Variants in CACNA2D1 observed in about 807,000 individuals in gnomAD.
CACNA2D1 encodes the protein voltage-dependent calcium channel subunit alpha-2/delta-1.
In CACNA2D1, 53 loss-of-function variants were observed where a neutral mutation model predicts 171.5. That is an observed-to-expected ratio of 0.31 (90% CI 0.25 to 0.39). The LOEUF is 0.39. Ranked by LOEUF, CACNA2D1 falls within the 10% of genes least tolerant of loss-of-function variation. The probability of loss-of-function intolerance (pLI) is 1.00; values close to 1 mark genes in which losing one functional copy is unlikely to be tolerated. For missense variants in CACNA2D1, 903 were observed against 1,299.8 expected (o/e 0.69, Z 4.69); for synonymous variants, 442 against 443.1 (o/e 1.00, Z 0.03).
chr7:82,308,788 G>T (rs1217323823), intron 3 of CACNA2D1, among the ~76,000 whole-genome samples: 1 of 152,068 alleles, frequency 6.6e-6, no homozygotes, highest in African/African-American at 2.4e-5. Flanking sequence ...TCTTTGTCTT[G>T]GCAAATAATG....
intron 15 of CACNA2D1, among the ~76,000 whole-genome samples, chr7:82,008,073 C>A (rs191897070): frequency 1.7e-3 from 259 of 152,144 alleles, no homozygotes; most frequent in African/African-American, 6.0e-3. Flanking sequence ...TGTGTCCTCC[C>A]CCTTTTTCAT....
intron 1 of CACNA2D1, among the ~76,000 whole-genome samples, chr7:82,350,748 T>C (rs1819768341): frequency 6.6e-6 from 1 of 152,218 alleles, no homozygotes; most frequent in Non-Finnish European, 1.5e-5. Context: ...GATCCATTTA[T>C]ATTTGGAATT....
intron 4 of CACNA2D1, among the ~76,000 whole-genome samples, chr7:82,165,540 T>C (rs966511878): frequency 2.0e-5 from 3 of 151,982 alleles, no homozygotes; most frequent in Non-Finnish European, 2.9e-5. Flanking sequence ...TTAAAGCCCA[T>C]GGTTAATATT....
intron 1 of CACNA2D1, chr7:82,410,484 G>A (rs546411136): frequency 4.0e-5 from 39 of 984,212 alleles, no homozygotes; most frequent in Non-Finnish European, 4.5e-5. Context: ...ATGTTAACAG[G>A]CAGTAGAAAA....
At chr7:82,348,100 T>A (rs2129445699) in intron 2 of CACNA2D1, among the ~76,000 whole-genome samples, 1 of 152,308 alleles carries the variant, frequency 6.6e-6, no homozygotes, top group South Asian at 2.1e-4. Context: ...CATCTGTCGA[T>A]AAAGACAGTC....
intron 12 of CACNA2D1, among the ~76,000 whole-genome samples, chr7:82,015,169 A>C (rs1414472287): frequency 6.6e-6 from 1 of 152,230 alleles, no homozygotes; most frequent in Non-Finnish European, 1.5e-5. Flanking sequence ...CACTGCAAAA[A>C]AAGCTTATTT....
chr7:82,357,950 T>C (rs1820650443), intron 1 of CACNA2D1, among the ~76,000 whole-genome samples: 1 of 152,066 alleles, frequency 6.6e-6, no homozygotes, highest in Admixed American at 6.6e-5. Context: ...CGGAGCCCTA[T>C]CCTAAGGCAG....
chr7:82,103,445 T>A (rs1812928659), intron 6 of CACNA2D1, among the ~76,000 whole-genome samples: 1 of 152,164 alleles, frequency 6.6e-6, no homozygotes, highest in Non-Finnish European at 1.5e-5. Context: ...GAGAAAGGAA[T>A]ATTATAACAC....
chr7:82,281,749 G>A (rs1286134686), intron 3 of CACNA2D1, among the ~76,000 whole-genome samples: 1 of 152,012 alleles, frequency 6.6e-6, no homozygotes, highest in East Asian at 1.9e-4. Context: ...AATATCAAAT[G>A]TACGTGTCAT....
chr7:82,284,321 G>A (rs188878917), intron 3 of CACNA2D1, among the ~76,000 whole-genome samples: 277 of 152,252 alleles, frequency 1.8e-3, no homozygotes, highest in African/African-American at 6.4e-3. Flanking sequence ...CTCCAAGGGC[G>A]AGACCATGCA....
rs184162472 is a variant in CACNA2D1 at position 82,157,675 on chromosome 7, A to G, written c.354+12875T>C. 1.2e-3 allele frequency among the ~76,000 whole-genome samples: 182 copies of G among 152,128 alleles called. 1 individual carries two copies. Among genetic ancestry groups the G allele is most frequent in the African/African-American group, 4.2e-3 (173 of 41,542 alleles). ...TTACGTTATCTTGAATATATGATCTAGTCATTTTCAGCATAGGACTTTGAA... is the reference window on the plus strand; with the variant it reads ...TTACGTTATCTTGAATATATGATCTGGTCATTTTCAGCATAGGACTTTGAA... On this transcript the variant is annotated intron_variant, in intron 4 of 38. Coordinates refer to ENST00000356860, the MANE Select transcript of CACNA2D1 (RefSeq NM_000722.4).
intron 3 of CACNA2D1, among the ~76,000 whole-genome samples, chr7:82,185,513 A>AGGGGAGGGGGGGGGGGG (rs1797618186): frequency 1.3e-4 from 2 of 15,970 alleles, no homozygotes; most frequent in Non-Finnish European, 2.2e-4. Context: ...GGGGAGGGGG[A>AGGGGAGGGGGGGGGGGG]GGAGGGGGAG....
intron 3 of CACNA2D1, among the ~76,000 whole-genome samples, chr7:82,263,275 A>T (rs1022961031): frequency 2.0e-5 from 3 of 151,256 alleles, no homozygotes; most frequent in African/African-American, 7.3e-5. Flanking sequence ...AGCCTGGCTG[A>T]TTTTTTTGTA....
At chr7:82,136,571 T>C (rs1791639111) in intron 5 of CACNA2D1, 64 bp downstream of exon 5, 2 of 1,243,604 alleles carry the variant, frequency 1.6e-6, no homozygotes, top group Middle Eastern at 1.9e-4. Context: ...CAATTTATTC[T>C]ATATAAGGCC....
At chr7:82,342,179 A>G (rs2129445082) in intron 2 of CACNA2D1, among the ~76,000 whole-genome samples, 1 of 151,188 alleles carries the variant, frequency 6.6e-6, no homozygotes, top group African/African-American at 2.4e-5. Flanking sequence ...TACCTTTGAA[A>G]TTTTTTATGA....
At position 81,962,400 on chromosome 7, in the gene CACNA2D1, T is replaced by G. The variant is rs1229503; in HGVS notation, c.2836+40A>C. 0.3 allele frequency: 441,343 copies of G among 1,485,522 alleles called. 67,152 individuals carry two copies. Among genetic ancestry groups the G allele is most frequent in the Admixed American group, 0.33 (19,087 of 57,008 alleles). 92.0% of individuals were successfully genotyped at this position (1,485,522 alleles called of 1,614,324 possible). A position where few individuals can be genotyped will look rare whatever the true frequency, so the allele number is the denominator to read the frequency against. The stretch of plus-strand genomic sequence containing the variant: ...TCAAGCACATCCCAAAAGAAAATTT[T>G]TATTGTTATGGCAATGACAAGGTCT... On this transcript the variant is annotated intron_variant, in intron 35 of 38. Coordinates refer to ENST00000356860, the MANE Select transcript of CACNA2D1 (RefSeq NM_000722.4).
intron 6 of CACNA2D1, among the ~76,000 whole-genome samples, chr7:82,093,066 A>G (rs555084512): frequency 9.1e-4 from 138 of 152,064 alleles, no homozygotes; most frequent in African/African-American, 3.1e-3. Flanking sequence ...TCTAAGTGGT[A>G]TTTTTAAAAT....
chr7:82,273,547 A>G (rs1808915347), intron 3 of CACNA2D1, among the ~76,000 whole-genome samples: 1 of 152,020 alleles, frequency 6.6e-6, no homozygotes, highest in Non-Finnish European at 1.5e-5. Flanking sequence ...CTATTCACAG[A>G]TGTGATCATA....
At chr7:81,982,912 T>G (rs1219046406) in intron 23 of CACNA2D1, among the ~76,000 whole-genome samples, 4 of 152,168 alleles carry the variant, frequency 2.6e-5, no homozygotes, top group Non-Finnish European at 5.9e-5. Context: ...ACCGAATATC[T>G]TTTAAAAAGT....
Sources: gnomAD v4.1 joint callset for allele counts (sites outside exome capture counted in the v4.1 genomes callset) on GRCh38, gnomAD v4.1.1 for gene constraint, MANE v1.5 for transcripts, NCBI Gene and HGNC (gene_info 2026-07-23, HGNC 2026-07-21) for gene names.